PSD3: variants seen among roughly 807,000 people sequenced by gnomAD.
PSD3 encodes the protein PH and SEC7 domain-containing protein 3.
In PSD3, 49 loss-of-function variants were observed where a neutral mutation model predicts 105.5. The ratio of observed to expected loss-of-function variants is 0.46; its 90% CI spans 0.37 to 0.59. The LOEUF is 0.59. Ranked by LOEUF, PSD3 falls within the 20% of genes least tolerant of loss-of-function variation. The pLI is 0.00. For missense variants in PSD3, 1,561 were observed against 1,263.8 expected (o/e 1.24, Z -3.57); for synonymous variants, 557 against 457.8 (o/e 1.22, Z -2.77).
chr8:18,939,425 T>C (rs1417027799), intron 1 of PSD3, among the ~76,000 whole-genome samples: 1 of 152,196 alleles, frequency 6.6e-6, no homozygotes, highest in Non-Finnish European at 1.5e-5. Context: ...TTACTACAGA[T>C]ATTTGGAAAT....
At chr8:18,843,017 A>G (rs1279588194) in intron 4 of PSD3, among the ~76,000 whole-genome samples, 1 of 152,184 alleles carries the variant, frequency 6.6e-6, no homozygotes, top group Non-Finnish European at 1.5e-5. Flanking sequence ...TCCACAGTCA[A>G]TATGCCACTC....
intron 10 of PSD3, among the ~76,000 whole-genome samples, chr8:18,641,674 TA>T (rs1021524807): frequency 2.6e-5 from 4 of 152,140 alleles, no homozygotes; most frequent in Admixed American, 2.0e-4. Context: ...TTTTATGGCA[TA>T]AAAATTACAC....
chr8:18,853,419 G>T (rs149223650), intron 4 of PSD3, among the ~76,000 whole-genome samples: 1 of 151,910 alleles, frequency 6.6e-6, no homozygotes. Context: ...TAATATCAAC[G>T]GACTAGGCTC....
chr8:18,768,198 A>G (rs1463266752), intron 8 of PSD3, among the ~76,000 whole-genome samples: 1 of 151,750 alleles, frequency 6.6e-6, no homozygotes, highest in East Asian at 1.9e-4. Context: ...AGGCAGAAGA[A>G]TCACTTGAAC....
intron 4 of PSD3, among the ~76,000 whole-genome samples, chr8:18,842,684 G>C (rs1002229908): frequency 2.6e-5 from 4 of 151,704 alleles, no homozygotes; most frequent in Non-Finnish European, 5.9e-5. Flanking sequence ...AGTGAGCCGA[G>C]ATAGCGCCAC....
chr8:18,950,882 A>G (rs1012728502), intron 1 of PSD3, among the ~76,000 whole-genome samples: 1 of 152,132 alleles, frequency 6.6e-6, no homozygotes, highest in Non-Finnish European at 1.5e-5. Context: ...TGCACTTGAG[A>G]AAGCCAACAC....
intron 4 of PSD3, among the ~76,000 whole-genome samples, chr8:18,808,099 T>A (rs1811357811): frequency 6.6e-6 from 1 of 152,234 alleles, no homozygotes; most frequent in African/African-American, 2.4e-5. Context: ...TACTTTGTGT[T>A]TTCCCATACA....
At chr8:18,613,351 G>T (rs1044237672) in intron 11 of PSD3, among the ~76,000 whole-genome samples, 1 of 152,108 alleles carries the variant, frequency 6.6e-6, no homozygotes, top group Non-Finnish European at 1.5e-5. Flanking sequence ...CAGGGGGGAG[G>T]AGCCTGGTCT....
At chr8:18,755,469 T>TAACATAAC (rs1805956475) in intron 9 of PSD3, among the ~76,000 whole-genome samples, 1 of 151,732 alleles carries the variant, frequency 6.6e-6, no homozygotes, top group Non-Finnish European at 1.5e-5. Context: ...TAACATAACA[T>TAACATAAC]AACATAACAT....
At chr8:18,824,167 G>C (rs1812986595) in intron 4 of PSD3, among the ~76,000 whole-genome samples, 1 of 152,148 alleles carries the variant, frequency 6.6e-6, no homozygotes, top group Non-Finnish European at 1.5e-5. Context: ...ACATGGCCGT[G>C]TCTCTAAGAA....
intron 4 of PSD3, among the ~76,000 whole-genome samples, chr8:18,849,868 C>T (rs1180929003): frequency 6.6e-6 from 1 of 150,414 alleles, no homozygotes; most frequent in Non-Finnish European, 1.5e-5. Flanking sequence ...TCGATGAGTT[C>T]CCCAAGGGAC....
At chr8:18,740,342 C>T (rs1804469546) in intron 9 of PSD3, among the ~76,000 whole-genome samples, 1 of 152,202 alleles carries the variant, frequency 6.6e-6, no homozygotes, top group Non-Finnish European at 1.5e-5. Context: ...CAACTGCACC[C>T]TTTCTGTTCC....
At chr8:18,618,513 TATC>T (rs1056459050) in intron 11 of PSD3, among the ~76,000 whole-genome samples, 1 of 140,646 alleles carries the variant, frequency 7.1e-6, no homozygotes, top group African/African-American at 2.5e-5. Flanking sequence ...TTGCTGTATC[TATC>T]ATATTTTACT....
chr8:18,905,957 T>C (rs1336033322), intron 2 of PSD3, among the ~76,000 whole-genome samples: 1 of 152,212 alleles, frequency 6.6e-6, no homozygotes, highest in Non-Finnish European at 1.5e-5. Context: ...TAGAATGAGA[T>C]ACGCTTTGCA....
rs565233840 is a variant in PSD3 at position 18,652,788 on chromosome 8, G to A, written c.2216+2854C>T. On this transcript the variant is annotated intron_variant, in intron 10 of 15. Coordinates refer to ENST00000327040, the MANE Select transcript of PSD3 (RefSeq NM_015310.4). ...GTTGGGATTACAGGTGTCAGCGACCGTGCCCAGCTGCTTAGCTCCTTTGCT... is the reference window on the plus strand; with the variant it reads ...GTTGGGATTACAGGTGTCAGCGACCATGCCCAGCTGCTTAGCTCCTTTGCT... Among the ~76,000 whole-genome samples, 7 of 152,194 alleles carry A rather than the reference G, an allele frequency of 4.6e-5. No individual in the cohort carries two copies. The East Asian group carries it at 1.2e-3, about 25-fold the overall frequency.
chr8:18,937,774 G>C (rs189422529), intron 1 of PSD3, among the ~76,000 whole-genome samples: 1 of 152,214 alleles, frequency 6.6e-6, no homozygotes, highest in African/African-American at 2.4e-5. Flanking sequence ...GCTAGTAAAA[G>C]AGGAACTCGG....
chr8:18,824,422 T>C (rs1479327411), intron 4 of PSD3, among the ~76,000 whole-genome samples: 3 of 152,148 alleles, frequency 2.0e-5, no homozygotes, highest in African/African-American at 7.2e-5. Flanking sequence ...TTATGTCACC[T>C]TTCTCATCCT....
intron 4 of PSD3, among the ~76,000 whole-genome samples, chr8:18,848,339 T>C (rs1025160002): frequency 1.3e-5 from 2 of 152,190 alleles, no homozygotes; most frequent in Admixed American, 6.5e-5. Context: ...ACATACTGCG[T>C]AGGGCAACCC....
intron 11 of PSD3, among the ~76,000 whole-genome samples, chr8:18,613,137 T>C (rs1172390042): frequency 1.3e-5 from 2 of 152,066 alleles, no homozygotes; most frequent in East Asian, 3.9e-4. Context: ...ACACCAGTGA[T>C]AGAGACAGGA....
Sources: gnomAD v4.1 joint callset for allele counts (sites outside exome capture counted in the v4.1 genomes callset) on GRCh38, gnomAD v4.1.1 for gene constraint, MANE v1.5 for transcripts, NCBI Gene and HGNC (gene_info 2026-07-23, HGNC 2026-07-21) for gene names.